ADGRE2: variants seen among roughly 807,000 people sequenced by gnomAD.
ADGRE2 encodes the protein CD97 antigen.
In ADGRE2, 83 loss-of-function variants were observed where a neutral mutation model predicts 100.8. The ratio of observed to expected loss-of-function variants is 0.82; its 90% CI spans 0.69 to 0.99. The LOEUF (loss-of-function observed/expected upper bound fraction) is 0.99, where lower values mean the gene tolerates loss of function less well. Ranked by LOEUF, ADGRE2 falls within the 50% of genes least tolerant of loss-of-function variation. ADGRE2 has a pLI of 0.00. For synonymous variants in ADGRE2, 355 were observed against 413.0 expected, an observed-to-expected ratio of 0.86 and a Z score of 1.70; for missense variants, 814 against 1,035.7, an observed-to-expected ratio of 0.79 and a Z score of 2.94.
At chr19:14,761,555 C>A (rs1240360406) in intron 11 of ADGRE2, among the ~76,000 whole-genome samples, 1 of 151,624 alleles carries the variant, frequency 6.6e-6, no homozygotes, top group African/African-American at 2.4e-5. Context: ...GCCCCTATAT[C>A]ATTTTTTTTT....
intron 5 of ADGRE2, among the ~76,000 whole-genome samples, chr19:14,768,035 C>T (rs1423253071): frequency 6.6e-6 from 1 of 152,200 alleles, no homozygotes; most frequent in Non-Finnish European, 1.5e-5. Context: ...TTATTTGGCT[C>T]ATGGTTCTGC....
intron 20 of ADGRE2, among the ~76,000 whole-genome samples, chr19:14,739,290 C>T (rs902764442): frequency 6.6e-6 from 1 of 152,136 alleles, no homozygotes; most frequent in Admixed American, 6.6e-5. Context: ...CATTTTCAAA[C>T]ACCAGAGATA....
chr19:14,767,065 C>A lies in ADGRE2; in HGVS notation c.400G>T (p.Gly134Cys). The change falls in exon 6 of 21, where the codon GGC becomes TGC. Residue 134 changes from glycine to cysteine, a missense_variant. Transcript: ENST00000315576. ...QQNPRLCKSY[G>C]TCVNTLGSYT... is the part of the protein sequence containing the mutation. The stretch of plus-strand genomic sequence containing the variant: ...CTGCCGAGGGTGTTGACGCAGGTGC[C>A]GTAGCTTTTACAGAGCCTTGGGTTC... 2 of 1,526,910 alleles carry A rather than the reference C, an allele frequency of 1.3e-6. 1 individual carries two copies. The highest frequency in any genetic ancestry group is 1.8e-6 in the Non-Finnish European group (2 of 1,134,244). The allele number at this position is 1,526,910 out of a possible 1,614,324, so 94.6% of individuals were successfully genotyped here.
chr19:14,764,574 G>A lies in ADGRE2; in HGVS notation c.943C>T (p.Pro315Ser). 6.2e-7 allele frequency: 1 copy of A among 1,612,718 alleles called. No individual in the cohort carries two copies. Among genetic ancestry groups the A allele is most frequent in the Non-Finnish European group, 8.5e-7 (1 of 1,179,906 alleles). Residue 315 changes from proline (P) to serine (S), a missense_variant, in exon 11 of 21, where the codon CCT (proline) becomes TCT (serine). Pro to Ser is a moderately conservative substitution (Grantham distance 74). This residue lies in a region of ADGRE2 where 569 missense variants were observed against 692.7 expected (regional missense o/e 0.82). Coordinates refer to ENST00000315576, the MANE Select transcript of ADGRE2 (RefSeq NM_013447.4). ...CGGGGCAGGGTCTCCAGGTCCCCAG[G>A]GGCCTCCAGCAGCTCATCCAGCGCC... ...LQALDELLEA[P>S]GDLETLPRLQ...
chr19:14,747,022 A>G, intron 16 of ADGRE2, 60 bp from the exon 17 acceptor site: 4 of 1,413,518 alleles, frequency 2.8e-6, no homozygotes, highest in Non-Finnish European at 3.9e-6. Context: ...ACAGTTATGT[A>G]AATCTATTCC....
intron 20 of ADGRE2, among the ~76,000 whole-genome samples, chr19:14,740,621 CAAAA>C (rs3057546): frequency 1.5e-4 from 19 of 124,064 alleles, no homozygotes; most frequent in African/African-American, 3.5e-4. Flanking sequence ...AACTCCGTCT[CAAAA>C]AAAAAAAAAA....
intron 2 of ADGRE2, among the ~76,000 whole-genome samples, chr19:14,775,045 C>G (rs140384049): frequency 6.6e-6 from 1 of 151,172 alleles, no homozygotes; most frequent in African/African-American, 2.4e-5. Context: ...CTTTGTTGCC[C>G]AGGCTGGAAT....
At chr19:14,727,619 A>G (rs2042642195), downstream of ADGRE2, among the ~76,000 whole-genome samples, 1 of 152,124 alleles carries the variant, frequency 6.6e-6, no homozygotes, top group South Asian at 2.1e-4. Context: ...ACCTCCCACC[A>G]GGCCCCACCT....
intron 18 of ADGRE2, among the ~76,000 whole-genome samples, chr19:14,745,604 A>G (rs1665861871): frequency 6.6e-6 from 1 of 151,780 alleles, no homozygotes; most frequent in Admixed American, 6.6e-5. Flanking sequence ...ATTCTACTTT[A>G]TTTTTATTTT....
At chr19:14,736,827 GATATTTAATATCTAT>G (rs2042764476) in intron 20 of ADGRE2, among the ~76,000 whole-genome samples, 3 of 138,282 alleles carry the variant, frequency 2.2e-5, no homozygotes, top group African/African-American at 8.0e-5. Context: ...GAAATATATA[GATATTTAATATCTAT>G]ATATTTAGAA....
chr19:14,726,521 C>T, the ADGRE2 span, among the ~76,000 whole-genome samples: 1 of 152,098 alleles, frequency 6.6e-6, no homozygotes, highest in Non-Finnish European at 1.5e-5. Flanking sequence ...CTCTGCTTCC[C>T]TTTTTAAATA....
At chr19:14,766,824 C>T in intron 6 of ADGRE2, among the ~76,000 whole-genome samples, 154 bp downstream of exon 6, 1 of 152,184 alleles carries the variant, frequency 6.6e-6, no homozygotes. Context: ...CGAGTCCTTC[C>T]TGGGAGGTGA....
Position 14,746,964 on chromosome 19 carries a change from T to C in ADGRE2, c.2025-2A>G. The C allele has an allele frequency of 6.2e-7, 1 of 1,604,926 alleles. No homozygotes were observed. Among genetic ancestry groups the C allele is most frequent in the Non-Finnish European group, 8.5e-7 (1 of 1,175,424 alleles). On this transcript the variant is annotated splice_acceptor_variant, in intron 16 of 20. Transcript: ENST00000315576. LOFTEE classifies it high-confidence loss of function. ...CCCTTTTCTGGTTGGAGCCAGCAGC[T>C]GAAAAAAGAGAGATTAAAAAAAATG...
chr19:14,755,554 A>G, intron 13 of ADGRE2, 100 bp downstream of exon 13: 4 of 1,043,866 alleles, frequency 3.8e-6, no homozygotes, highest in East Asian at 2.4e-5. Context: ...GAGATAATGT[A>G]CCCATAACAG....
chr19:14,751,452 A>C lies in ADGRE2; in HGVS notation c.2008T>G (p.Tyr670Asp). The change falls in exon 16 of 21, where the codon TAT (tyrosine) becomes GAT (aspartate). Residue 670 changes from tyrosine to aspartate, a missense_variant. Transcript: ENST00000315576. ...TGCACTAACCGGGAAGGTGTTCCAT[A>C]AAGGTGAGGCCTGGAGGCTGCAGAA... Reference protein sequence around the residue: ...AISAASRPHLYGTPSRCWLQP... With the variant: ...AISAASRPHLDGTPSRCWLQP... 1 of 1,613,764 alleles carries C rather than the reference A, an allele frequency of 6.2e-7. No homozygotes were observed. The highest frequency in any genetic ancestry group is 8.5e-7 in the Non-Finnish European group (1 of 1,179,680).
chr19:14,758,957 G>T (rs1427500203), intron 11 of ADGRE2, among the ~76,000 whole-genome samples: 2 of 151,980 alleles, frequency 1.3e-5, no homozygotes, highest in African/African-American at 4.8e-5. Flanking sequence ...TGGGTCTTCC[G>T]GTTGCGTGGT....
chr19:14,751,735 C>G lies in ADGRE2; in HGVS notation c.1789-64G>C, dbSNP rs867113268. The G allele has an allele frequency of 2.8e-5, 33 of 1,185,990 alleles. No homozygotes were observed. In the Middle Eastern group the frequency reaches 9.8e-4, roughly 35 times the overall value. 73.5% of individuals were successfully genotyped at this position (1,185,990 alleles called of 1,614,324 possible). A position where few individuals can be genotyped will look rare whatever the true frequency, so the allele number is the denominator to read the frequency against. On this transcript the variant is annotated intron_variant, in intron 15 of 20. Coordinates refer to ENST00000315576, the MANE Select transcript of ADGRE2 (RefSeq NM_013447.4). ...ATTTGAGTGTGGCCCATGGCTTCTC[C>G]TGTACCATGTTGTTGGGGAGAATTC...
intron 18 of ADGRE2, among the ~76,000 whole-genome samples, chr19:14,745,489 T>C (rs73515934): frequency 0.097 from 14,789 of 152,200 alleles, 2,452 homozygotes; most frequent in African/African-American, 0.34. Context: ...TGCCATCCAA[T>C]ATTATAACTT....
In ADGRE2 at chr19:14,759,646, G is replaced by A. The variant is rs114040688; in HGVS notation, c.1085-3301C>T. On this transcript the variant is annotated intron_variant, in intron 11 of 20. Transcript: ENST00000315576. ...CAGGTAGCTGGGATTACAGGCACGT[G>A]TCACTAAGCCCAGCTAATTTTTGTA... Among the ~76,000 whole-genome samples, 568 of 151,070 alleles carry A rather than the reference G, an allele frequency of 3.8e-3. 5 individuals are homozygous for A. Among genetic ancestry groups the A allele is most frequent in the African/African-American group, 0.013 (541 of 41,134 alleles).
Sources: allele counts gnomAD v4.1 joint callset (sites outside exome capture counted in the v4.1 genomes callset), GRCh38; gene constraint gnomAD v4.1.1; regional missense constraint gnomAD v4.1.1; transcripts MANE v1.5; gene names NCBI Gene and HGNC (gene_info 2026-07-23, HGNC 2026-07-21).